Variants in CADM2 observed in about 807,000 individuals in gnomAD.
CADM2 encodes immunoglobulin superfamily member 4D.
CADM2 carries 12 observed loss-of-function variants against 49.8 expected under a neutral mutation model. That is an observed-to-expected ratio of 0.24 (90% confidence interval 0.15 to 0.39). The LOEUF is 0.39. Ranked by LOEUF, CADM2 falls within the 10% of genes least tolerant of loss-of-function variation. The pLI is 1.00. For missense variants in CADM2, 378 were observed against 492.3 expected (o/e 0.77, Z 2.20); for synonymous variants, 214 against 175.4 (o/e 1.22, Z -1.74).
At chr3:85,828,627 C>T (rs1403507164) in intron 3 of CADM2, among the ~76,000 whole-genome samples, 5 of 151,868 alleles carry the variant, frequency 3.3e-5, no homozygotes, top group Admixed American at 2.0e-4. Context: ...TTACTTATAT[C>T]TTGTATAATT....
At chr3:86,050,104 T>C (rs972231206) in intron 8 of CADM2, among the ~76,000 whole-genome samples, 8 of 152,182 alleles carry the variant, frequency 5.3e-5, no homozygotes, top group African/African-American at 1.9e-4. Context: ...ACAAGTTTGT[T>C]ACTCTCAAGA....
chr3:85,107,093 A>G (rs2038256403), intron 1 of CADM2, among the ~76,000 whole-genome samples: 1 of 152,176 alleles, frequency 6.6e-6, no homozygotes, highest in South Asian at 2.1e-4. Context: ...TACACCATCT[A>G]TCGCTGTCCC....
intron 1 of CADM2, among the ~76,000 whole-genome samples, chr3:85,208,386 T>A (rs942939278): frequency 6.6e-6 from 1 of 152,080 alleles, no homozygotes; most frequent in African/African-American, 2.4e-5. Flanking sequence ...AGACTTGCCA[T>A]AGGGAAAAGT....
At chr3:85,073,444 C>A (rs2036830709) in intron 1 of CADM2, among the ~76,000 whole-genome samples, 1 of 152,062 alleles carries the variant, frequency 6.6e-6, no homozygotes, top group Non-Finnish European at 1.5e-5. Context: ...TATTTGAAAG[C>A]TACAAATGAT....
chr3:85,707,693 C>G (rs2066993513), intron 1 of CADM2, among the ~76,000 whole-genome samples: 1 of 152,092 alleles, frequency 6.6e-6, no homozygotes, highest in Non-Finnish European at 1.5e-5. Flanking sequence ...CAATTTTTGT[C>G]AATCGAAAAT....
chr3:85,768,213 G>C (rs2069766634), intron 2 of CADM2, among the ~76,000 whole-genome samples: 1 of 152,032 alleles, frequency 6.6e-6, no homozygotes, highest in African/African-American at 2.4e-5. Flanking sequence ...TTGAGAGGCA[G>C]AGGCAGGCGT....
At chr3:85,233,363 A>G (rs1170438158) in intron 1 of CADM2, among the ~76,000 whole-genome samples, 1 of 152,032 alleles carries the variant, frequency 6.6e-6, no homozygotes, top group Non-Finnish European at 1.5e-5. Context: ...AATACAGTCA[A>G]CCCTAAGGTA....
intron 1 of CADM2, among the ~76,000 whole-genome samples, chr3:85,106,144 G>A (rs1172595167): frequency 6.6e-6 from 1 of 152,100 alleles, no homozygotes; most frequent in East Asian, 1.9e-4. Flanking sequence ...AATTAATCCA[G>A]ACAAAATACA....
Position 85,090,851 on chromosome 3 carries a change from G to A in CADM2, c.61+131183G>A, listed in dbSNP as rs192153414. Among the ~76,000 whole-genome samples, 91 of 152,260 alleles carry A rather than the reference G, an allele frequency of 6.0e-4. 1 individual carries two copies. The highest frequency in any genetic ancestry group is 2.1e-3 in the African/African-American group (87 of 41,554). The stretch of plus-strand genomic sequence containing the variant: ...TCACTAATGCCTGATGATCTGAGGT[G>A]GAACACTTTCATCCCAAAACCATCC... On this transcript the variant is annotated intron_variant, in intron 1 of 9. Coordinates refer to ENST00000383699, the MANE Select transcript of CADM2 (RefSeq NM_001167675.2).
chr3:85,663,111 G>C (rs1259891884), intron 1 of CADM2, among the ~76,000 whole-genome samples: 1 of 152,008 alleles, frequency 6.6e-6, no homozygotes, highest in African/African-American at 2.4e-5. Context: ...AGAATCCAGA[G>C]ACCAGCTCTT....
intron 1 of CADM2, among the ~76,000 whole-genome samples, chr3:85,223,911 G>A (rs979757833): frequency 6.6e-6 from 1 of 152,108 alleles, no homozygotes; most frequent in Non-Finnish European, 1.5e-5. Flanking sequence ...CTTCATCCAT[G>A]TCCCTGCAAA....
At chr3:85,442,319 G>A (rs1225602230) in intron 1 of CADM2, among the ~76,000 whole-genome samples, 1 of 151,584 alleles carries the variant, frequency 6.6e-6, no homozygotes, top group African/African-American at 2.4e-5. Flanking sequence ...TTCACACAAT[G>A]AACTTTAAAA....
chr3:85,705,704 CCTT>C (rs1304186279), intron 1 of CADM2, among the ~76,000 whole-genome samples: 1 of 152,180 alleles, frequency 6.6e-6, no homozygotes, highest in Non-Finnish European at 1.5e-5. Flanking sequence ...TTCTACATAA[CCTT>C]CTGCCATTTT....
chr3:84,987,033 C>A (rs918930209), intron 1 of CADM2, among the ~76,000 whole-genome samples: 1 of 151,796 alleles, frequency 6.6e-6, no homozygotes, highest in African/African-American at 2.4e-5. Context: ...GCCTGGGCAA[C>A]AAGAGCGAAA....
intron 3 of CADM2, among the ~76,000 whole-genome samples, chr3:85,859,639 G>T (rs2075448607): frequency 6.6e-6 from 1 of 152,120 alleles, no homozygotes. Context: ...CTATCACTTT[G>T]TTGACTCTTA....
intron 1 of CADM2, among the ~76,000 whole-genome samples, chr3:85,430,005 T>C (rs1369289851): frequency 1.3e-5 from 2 of 152,134 alleles, no homozygotes; most frequent in Non-Finnish European, 2.9e-5. Flanking sequence ...GCTTTGTAAA[T>C]AACGGGATTA....
intron 1 of CADM2, among the ~76,000 whole-genome samples, chr3:85,257,146 T>C (rs543318854): frequency 3.9e-5 from 6 of 152,230 alleles, no homozygotes; most frequent in Non-Finnish European, 5.9e-5. Context: ...AACCAGGTTT[T>C]GAACTCAGGC....
chr3:85,961,229 A>T (rs983745449), intron 7 of CADM2, among the ~76,000 whole-genome samples: 3 of 150,668 alleles, frequency 2.0e-5, no homozygotes, highest in African/African-American at 7.4e-5. Flanking sequence ...TGCTACTGGG[A>T]CTCAACAAAT....
chr3:85,045,651 T>A (rs2035626916), intron 1 of CADM2, among the ~76,000 whole-genome samples: 1 of 32,090 alleles, frequency 3.1e-5, no homozygotes, highest in African/African-American at 8.7e-5. Flanking sequence ...TGTGTAGCCT[T>A]TTTTTTTGCT....
Sources: gnomAD v4.1 joint callset for allele counts (sites outside exome capture counted in the v4.1 genomes callset) on GRCh38, gnomAD v4.1.1 for gene constraint, MANE v1.5 for transcripts, NCBI Gene and HGNC (gene_info 2026-07-23, HGNC 2026-07-21) for gene names.